The following PDZRN4 variants were observed in gnomAD, a reference collection of about 807,000 sequenced individuals.
PDZRN4 encodes PDZ domain-containing RING finger protein 4.
In PDZRN4, 70 loss-of-function variants were observed where a neutral mutation model predicts 99.0. The observed-to-expected ratio is 0.71, with a 90% CI of 0.58 to 0.86. The LOEUF is 0.86. Ranked by LOEUF, PDZRN4 falls within the 40% of genes least tolerant of loss-of-function variation. PDZRN4 has a pLI of 0.00. For synonymous variants in PDZRN4, 551 were observed against 501.6 expected (o/e 1.10, Z -1.32); for missense variants, 1,474 against 1,331.2 (o/e 1.11, Z -1.67).
intron 3 of PDZRN4, among the ~76,000 whole-genome samples, chr12:41,290,966 G>A (rs535288501): frequency 2.0e-5 from 3 of 152,082 alleles, no homozygotes; most frequent in African/African-American, 4.8e-5. Context: ...ACATTTAAAT[G>A]AGAGAATGAA....
At chr12:41,435,293 T>G (rs1182555214) in intron 3 of PDZRN4, among the ~76,000 whole-genome samples, 1 of 152,230 alleles carries the variant, frequency 6.6e-6, no homozygotes, top group Non-Finnish European at 1.5e-5. Context: ...GATTGTTTCA[T>G]TGTTCTTTAA....
At chr12:41,307,425 G>A (rs1423975122) in intron 3 of PDZRN4, among the ~76,000 whole-genome samples, 5 of 151,970 alleles carry the variant, frequency 3.3e-5, no homozygotes, top group Non-Finnish European at 5.9e-5. Context: ...TTCTTAAAAG[G>A]GACTAATCCC....
chr12:41,334,271 T>A (rs921206206), intron 3 of PDZRN4, among the ~76,000 whole-genome samples: 1 of 152,036 alleles, frequency 6.6e-6, no homozygotes, highest in Non-Finnish European at 1.5e-5. Flanking sequence ...TCAGATCTTT[T>A]TGGTGTTTTT....
At chr12:41,287,395 C>T (rs1009351077) in intron 3 of PDZRN4, among the ~76,000 whole-genome samples, 3 of 152,146 alleles carry the variant, frequency 2.0e-5, no homozygotes, top group African/African-American at 7.2e-5. Flanking sequence ...GAAACTTGCC[C>T]TTATTAAAAG....
intron 3 of PDZRN4, among the ~76,000 whole-genome samples, chr12:41,435,352 G>A (rs1347394311): frequency 6.6e-6 from 1 of 152,160 alleles, no homozygotes; most frequent in African/African-American, 2.4e-5. Context: ...AAGCAGTTTT[G>A]ATAATTAAAT....
intron 7 of PDZRN4, among the ~76,000 whole-genome samples, chr12:41,562,842 A>G (rs1939294807): frequency 6.6e-6 from 1 of 152,164 alleles, no homozygotes; most frequent in African/African-American, 2.4e-5. Flanking sequence ...TATTTTAAAA[A>G]TTCAATTTTA....
intron 3 of PDZRN4, chr12:41,478,051 C>G (rs1937621242): frequency 1.6e-6 from 1 of 627,286 alleles, no homozygotes; most frequent in Non-Finnish European, 2.8e-6. Context: ...TCTGTGTCCC[C>G]CAATAATATA....
chr12:41,325,997 G>T (rs11610196), intron 3 of PDZRN4, among the ~76,000 whole-genome samples: 100,006 of 151,378 alleles, frequency 0.66, 36,020 homozygotes, highest in Middle Eastern at 0.81. Flanking sequence ...TTTTTTTCTT[G>T]TTTTTGAGAC....
chr12:41,561,624 T>C (rs1939271970), intron 7 of PDZRN4, among the ~76,000 whole-genome samples: 1 of 148,358 alleles, frequency 6.7e-6, no homozygotes, highest in Admixed American at 6.8e-5. Context: ...TATATATATA[T>C]ATGTACAGTC....
intron 3 of PDZRN4, among the ~76,000 whole-genome samples, chr12:41,353,316 T>G (rs922897561): frequency 2.0e-5 from 3 of 152,076 alleles, no homozygotes; most frequent in Admixed American, 2.0e-4. Context: ...TTTTGATATA[T>G]TTTCTGTTTT....
At chr12:41,419,231 A>T (rs1565578105) in intron 3 of PDZRN4, among the ~76,000 whole-genome samples, 1 of 152,118 alleles carries the variant, frequency 6.6e-6, no homozygotes, top group Non-Finnish European at 1.5e-5. Flanking sequence ...GAGTCACCAT[A>T]AAGCTGGTTG....
At chr12:41,346,255 G>T (rs570581347) in intron 3 of PDZRN4, among the ~76,000 whole-genome samples, 1 of 152,170 alleles carries the variant, frequency 6.6e-6, no homozygotes, top group Non-Finnish European at 1.5e-5. Flanking sequence ...GAGGTCAGGA[G>T]ATCGAGACCA....
chr12:41,463,371 TTA>T (rs1952890608), intron 3 of PDZRN4, among the ~76,000 whole-genome samples: 1 of 152,148 alleles, frequency 6.6e-6, no homozygotes, highest in Admixed American at 6.5e-5. Context: ...TACTCCTAAT[TTA>T]TATGTCTTGG....
intron 3 of PDZRN4, among the ~76,000 whole-genome samples, chr12:41,401,074 T>C (rs2121140066): frequency 6.6e-6 from 1 of 152,350 alleles, no homozygotes; most frequent in Non-Finnish European, 1.5e-5. Flanking sequence ...CTAATCATAA[T>C]GTACCTGGTA....
intron 3 of PDZRN4, among the ~76,000 whole-genome samples, chr12:41,326,385 C>A (rs1318578161): frequency 6.6e-6 from 1 of 152,110 alleles, no homozygotes; most frequent in African/African-American, 2.4e-5. Flanking sequence ...TTGTTTCTAT[C>A]CTATTTGCTT....
rs1159842591 is a variant in PDZRN4, at chr12:41,572,425, A to G, written c.1646A>G (p.His549Arg). 1 of 1,614,000 alleles carries G rather than the reference A, an allele frequency of 6.2e-7. No homozygotes were observed. Among genetic ancestry groups the G allele is most frequent in the Non-Finnish European group, 8.5e-7 (1 of 1,179,982 alleles). The change falls in exon 10 of 10, where the codon CAT (histidine) becomes CGT (arginine). Residue 549 changes from histidine (H) to arginine (R), a missense_variant. Coordinates refer to ENST00000402685, the MANE Select transcript of PDZRN4 (RefSeq NM_001164595.2). ...ACTGCAACATCCTCATCCAACAACC[A>G]TGAGAAGGACAGTGGAGTAGGACGT... ...TDTATSSSNN[H>R]EKDSGVGRTD...
chr12:41,324,673 G>T (rs1031563513), intron 3 of PDZRN4, among the ~76,000 whole-genome samples: 2 of 151,988 alleles, frequency 1.3e-5, no homozygotes, highest in African/African-American at 2.4e-5. Context: ...ACTAATTGTG[G>T]TATTTGTCAT....
chr12:41,236,778 C>A (rs545283453), intron 3 of PDZRN4, among the ~76,000 whole-genome samples: 4 of 152,012 alleles, frequency 2.6e-5, no homozygotes, highest in Admixed American at 2.6e-4. Context: ...ATTAGCTCAC[C>A]ATTCTTTCTG....
chr12:41,551,496 C>T (rs931238433), intron 5 of PDZRN4, among the ~76,000 whole-genome samples: 2 of 152,058 alleles, frequency 1.3e-5, no homozygotes, highest in Non-Finnish European at 1.5e-5. Flanking sequence ...AGACTACCTA[C>T]CTATGGTTTT....
Sources: gnomAD v4.1 joint callset for allele counts (sites outside exome capture counted in the v4.1 genomes callset) on GRCh38, gnomAD v4.1.1 for gene constraint, MANE v1.5 for transcripts, NCBI Gene and HGNC (gene_info 2026-07-23, HGNC 2026-07-21) for gene names.